Variants in SNX24 observed in about 807,000 individuals in gnomAD.
SNX24 encodes the protein sorting nexin 24, also known as sorting nexin-24.
Under a neutral mutation model 28.7 loss-of-function variants are expected in SNX24, and 22 were observed. That is an observed-to-expected ratio of 0.77 (90% CI 0.55 to 1.10). The LOEUF (loss-of-function observed/expected upper bound fraction) is 1.10, where lower values mean the gene tolerates loss of function less well. SNX24 is among the 50% of genes least tolerant of loss of function. The pLI is 0.00. For synonymous variants in SNX24, 69 were observed against 71.5 expected (o/e 0.96, Z 0.18); for missense variants, 221 against 201.1 (o/e 1.10, Z -0.60).
At chr5:123,026,512 CAG>C (rs966804896) in intron 5 of SNX24, among the ~76,000 whole-genome samples, 1 of 152,198 alleles carries the variant, frequency 6.6e-6, no homozygotes, top group African/African-American at 2.4e-5. Flanking sequence ...CAATGGGAAA[CAG>C]AGGTTACAAA....
At chr5:122,874,011 C>T (rs1756110985) in intron 1 of SNX24, among the ~76,000 whole-genome samples, 1 of 152,170 alleles carries the variant, frequency 6.6e-6, no homozygotes. Context: ...CTCATGTGAT[C>T]CACCCGCCCT....
At position 122,886,646 on chromosome 5, in the gene SNX24, A is replaced by G. The variant is rs200568370; in HGVS notation, c.60+40953A>G. Among the ~76,000 whole-genome samples, 82 of 152,080 alleles carry G rather than the reference A, an allele frequency of 5.4e-4. 2 individuals are homozygous for G. In the East Asian group the frequency reaches 0.012, roughly 23 times the overall value. ...TGGCCAAGAGACCAGCCTGGCCAAT[A>G]TGGTGAAACCCCATCTCTACTAAAA... On this transcript the variant is annotated intron_variant, in intron 1 of 6. Coordinates refer to ENST00000261369, the MANE Select transcript of SNX24 (RefSeq NM_014035.4).
At chr5:122,970,121 C>G (rs564586016) in intron 3 of SNX24, among the ~76,000 whole-genome samples, 1 of 150,772 alleles carries the variant, frequency 6.6e-6, no homozygotes, top group South Asian at 2.2e-4. Flanking sequence ...CTAAGATCAT[C>G]ATGGCAGTTT....
intron 1 of SNX24, among the ~76,000 whole-genome samples, chr5:122,893,613 A>T (rs1757076577): frequency 6.6e-6 from 1 of 152,140 alleles, no homozygotes; most frequent in Non-Finnish European, 1.5e-5. Context: ...TTTTTCCCTC[A>T]TGCATAATAA....
intron 1 of SNX24, among the ~76,000 whole-genome samples, chr5:122,906,167 A>G (rs922505568): frequency 6.6e-6 from 1 of 152,208 alleles, no homozygotes; most frequent in Non-Finnish European, 1.5e-5. Context: ...ACAAGGTGGT[A>G]GTATAGAGAT....
intron 2 of SNX24, among the ~76,000 whole-genome samples, chr5:122,939,737 G>A (rs951120295): frequency 6.6e-6 from 1 of 152,162 alleles, no homozygotes; most frequent in Admixed American, 6.5e-5. Flanking sequence ...TACTGAATTA[G>A]AATCTTTGTG....
intron 5 of SNX24, 143 bp from the exon 6 acceptor site, chr5:123,001,797 C>T (rs548219024): frequency 4.2e-5 from 29 of 694,230 alleles, no homozygotes; most frequent in South Asian, 3.8e-4. Flanking sequence ...TCTTACTCTG[C>T]GTGCTATTAT....
intron 1 of SNX24, among the ~76,000 whole-genome samples, chr5:122,935,772 T>C (rs1211165668): frequency 6.6e-6 from 1 of 152,216 alleles, no homozygotes; most frequent in Non-Finnish European, 1.5e-5. Flanking sequence ...TAAGCATGCT[T>C]TTAATACTTT....
chr5:122,871,258 G>A (rs1356323911), intron 1 of SNX24, among the ~76,000 whole-genome samples: 2 of 152,118 alleles, frequency 1.3e-5, no homozygotes, highest in Non-Finnish European at 2.9e-5. Context: ...TCAGGCTCTG[G>A]TACTGTTTAA....
chr5:122,865,213 C>T (rs1755660656), intron 1 of SNX24, among the ~76,000 whole-genome samples: 1 of 152,244 alleles, frequency 6.6e-6, no homozygotes, highest in Non-Finnish European at 1.5e-5. Flanking sequence ...TAAAATTAAG[C>T]ATGAAAAGCC....
chr5:122,892,143 CT>C lies in SNX24; in HGVS notation c.61-44587del, dbSNP rs1209590725. Among the ~76,000 whole-genome samples, 10 of 152,192 alleles carry C rather than the reference CT, an allele frequency of 6.6e-5. No homozygotes were observed. In the East Asian group the frequency reaches 1.9e-3, roughly 29 times the overall value. ...TATTCATTCAGATTCACCAGTTAACCTTTTGCTGTTTGTTTTATATTCTTTT... is the reference window on the plus strand; with the variant it reads ...TATTCATTCAGATTCACCAGTTAACCTTTGCTGTTTGTTTTATATTCTTTT... On this transcript the variant is annotated intron_variant, in intron 1 of 6. Transcript: ENST00000261369.
At chr5:122,895,348 C>T (rs1165431579) in intron 1 of SNX24, among the ~76,000 whole-genome samples, 1 of 152,134 alleles carries the variant, frequency 6.6e-6, no homozygotes, top group South Asian at 2.1e-4. Flanking sequence ...AACATGATGT[C>T]ATCTCTAATG....
intron 1 of SNX24, among the ~76,000 whole-genome samples, chr5:122,897,105 A>G (rs886116596): frequency 6.6e-6 from 1 of 152,228 alleles, no homozygotes; most frequent in African/African-American, 2.4e-5. Context: ...CACAGGAGAC[A>G]TATAAACGTA....
chr5:122,998,631 C>G (rs1440478805), intron 3 of SNX24, among the ~76,000 whole-genome samples: 1 of 152,100 alleles, frequency 6.6e-6, no homozygotes, highest in Non-Finnish European at 1.5e-5. Flanking sequence ...GAGGGTTCTG[C>G]TCTAGTGTGG....
At chr5:122,940,541 C>A (rs1759395856) in intron 2 of SNX24, among the ~76,000 whole-genome samples, 1 of 152,088 alleles carries the variant, frequency 6.6e-6, no homozygotes. Flanking sequence ...GCTGCTGTAA[C>A]AAATCACCAA....
intron 3 of SNX24, among the ~76,000 whole-genome samples, chr5:122,956,352 G>GAA (rs150072652): frequency 0.18 from 25,969 of 143,552 alleles, 2,821 homozygotes; most frequent in East Asian, 0.44. Context: ...AAACACTTGG[G>GAA]AAAAAAAAAA....
intron 1 of SNX24, among the ~76,000 whole-genome samples, chr5:122,931,108 T>G (rs1758935066): frequency 6.6e-6 from 1 of 152,206 alleles, no homozygotes; most frequent in African/African-American, 2.4e-5. Flanking sequence ...CTTAAAAACT[T>G]TTTAAAATTT....
chr5:123,028,906 G>A (rs778969817), intron 5 of SNX24: 1 of 1,484,534 alleles, frequency 6.7e-7, no homozygotes, highest in Non-Finnish European at 9.4e-7. Flanking sequence ...AAGTAACAGA[G>A]GCCATACTGA....
In SNX24 at chr5:122,866,339, G is replaced by C. The variant is rs186567451; in HGVS notation, c.60+20646G>C. On this transcript the variant is annotated intron_variant, in intron 1 of 6. Coordinates refer to ENST00000261369, the MANE Select transcript of SNX24 (RefSeq NM_014035.4). The stretch of plus-strand genomic sequence containing the variant: ...AATTTTTGTATTTTTAGTAGAGTTG[G>C]GGTTTCACCATATTGGCCAGGCTGG... Among the ~76,000 whole-genome samples, 605 of 152,176 alleles carry C rather than the reference G, an allele frequency of 4.0e-3. 17 individuals carry two copies. The highest frequency in any genetic ancestry group is 0.031 in the Admixed American group (478 of 15,274).
Sources: gnomAD v4.1 joint callset for allele counts (sites outside exome capture counted in the v4.1 genomes callset) on GRCh38, gnomAD v4.1.1 for gene constraint, MANE v1.5 for transcripts, NCBI Gene and HGNC (gene_info 2026-07-23, HGNC 2026-07-21) for gene names.